Variants in PTBP3 observed in about 807,000 individuals in gnomAD.
PTBP3 encodes the protein polypyrimidine tract-binding protein 3.
In PTBP3, 20 loss-of-function variants were observed where a neutral mutation model predicts 58.7. That is an observed-to-expected ratio of 0.34 (90% CI 0.24 to 0.50). PTBP3 has a LOEUF of 0.50. Ranked by LOEUF, PTBP3 falls within the 20% of genes least tolerant of loss-of-function variation. The probability of loss-of-function intolerance (pLI) is 0.98; values close to 1 mark genes in which losing one functional copy is unlikely to be tolerated. For synonymous variants in PTBP3, 185 were observed against 219.8 expected, an observed-to-expected ratio of 0.84 and a Z score of 1.40; for missense variants, 509 against 637.2, an observed-to-expected ratio of 0.80 and a Z score of 2.17.
rs574580603 is a variant in PTBP3 at position 112,221,800 on chromosome 9, C to G, written c.*2051G>C. 2.9e-5 allele frequency: 29 copies of G among 985,104 alleles called. No homozygotes were observed. Among genetic ancestry groups the G allele is most frequent in the Non-Finnish European group, 3.3e-5 (27 of 829,736 alleles). 61.0% of individuals were successfully genotyped at this position (985,104 alleles called of 1,614,324 possible). ...GAGTGAATTCTGCTTTTTAAACAAT[C>G]TGTATCATCTCTTGCAGTCTCTATT... On this transcript the variant is annotated 3_prime_UTR_variant, in exon 14 of 14. Transcript: ENST00000374257.
chr9:112,296,661 A>C (rs1257454201), intron 2 of PTBP3, among the ~76,000 whole-genome samples: 1 of 152,190 alleles, frequency 6.6e-6, no homozygotes, highest in Non-Finnish European at 1.5e-5. Flanking sequence ...TGATGTTGAG[A>C]CCAGGGACCC....
intron 1 of PTBP3, chr9:112,298,612 A>C (rs754872928): frequency 2.0e-6 from 1 of 498,044 alleles, no homozygotes. Flanking sequence ...CCTATTTTAA[A>C]TAGTACTATT....
the PTBP3 span, among the ~76,000 whole-genome samples, chr9:112,366,138 C>T: frequency 6.6e-6 from 1 of 151,988 alleles, no homozygotes; most frequent in African/African-American, 2.4e-5. Flanking sequence ...CAAAAATTAG[C>T]TGGGTGTGGG....
intron 9 of PTBP3, 122 bp downstream of exon 9, chr9:112,231,977 A>AGGAGAGG (rs1564391468): frequency 1.1e-5 from 4 of 362,524 alleles, no homozygotes; most frequent in Non-Finnish European, 1.8e-5. Context: ...GAGAGAAGAG[A>AGGAGAGG]AGAGAAGAGA....
chr9:112,333,737 C>T (rs957655457), upstream of PTBP3: 262 of 344,256 alleles, frequency 7.6e-4, no homozygotes, highest in Non-Finnish European at 9.2e-4. Flanking sequence ...CGCCCTCCCT[C>T]GGGGCCCGCC....
At chr9:112,261,959 T>C (rs1260419199) in intron 5 of PTBP3, among the ~76,000 whole-genome samples, 47 of 152,222 alleles carry the variant, frequency 3.1e-4, no homozygotes, top group Non-Finnish European at 4.4e-5. Context: ...AACTTAGATA[T>C]AGCAATGGGT....
At chr9:112,358,039 G>A in the PTBP3 span, among the ~76,000 whole-genome samples, 1 of 152,122 alleles carries the variant, frequency 6.6e-6, no homozygotes, top group African/African-American at 2.4e-5. Flanking sequence ...CAGGCGCGGT[G>A]GCTCATGCCT....
chr9:112,233,912 C>A (rs1312883127), intron 8 of PTBP3, among the ~76,000 whole-genome samples: 7 of 145,618 alleles, frequency 4.8e-5, no homozygotes, highest in African/African-American at 1.8e-4. Flanking sequence ...GCCTGGGCAA[C>A]AGAGTGAGCT....
the PTBP3 span, among the ~76,000 whole-genome samples, chr9:112,348,809 G>T: frequency 6.6e-6 from 1 of 151,994 alleles, no homozygotes; most frequent in Non-Finnish European, 1.5e-5. Context: ...CTGCAGATCC[G>T]CTAACAATAC....
chr9:112,353,472 G>A, the PTBP3 span, among the ~76,000 whole-genome samples: 6 of 135,666 alleles, frequency 4.4e-5, no homozygotes, highest in East Asian at 7.1e-4. Context: ...TCTCAAACTC[G>A]TGACCTCAGG....
At chr9:112,369,940 G>C in the PTBP3 span, among the ~76,000 whole-genome samples, 1 of 152,114 alleles carries the variant, frequency 6.6e-6, no homozygotes, top group Admixed American at 6.5e-5. Context: ...CATGAGATCT[G>C]ATGATTTTAT....
chr9:112,316,041 T>C (rs552810865), intron 1 of PTBP3, among the ~76,000 whole-genome samples: 45 of 152,344 alleles, frequency 3.0e-4, no homozygotes, highest in Middle Eastern at 3.4e-3. Flanking sequence ...GTGTTGCCAA[T>C]ACATTGTTAA....
chr9:112,320,912 C>G (rs1315147994), intron 1 of PTBP3, among the ~76,000 whole-genome samples: 4 of 152,116 alleles, frequency 2.6e-5, no homozygotes, highest in African/African-American at 4.8e-5. Context: ...CTACAGGCTT[C>G]TTAAAGCAAA....
At chr9:112,273,060 C>T (rs1470124780) in intron 3 of PTBP3, among the ~76,000 whole-genome samples, 1 of 152,136 alleles carries the variant, frequency 6.6e-6, no homozygotes, top group Non-Finnish European at 1.5e-5. Context: ...TGATGTATAA[C>T]TGTACCAACC....
chr9:112,262,393 A>G (rs369601169), intron 5 of PTBP3, 42 bp downstream of exon 5: 2 of 1,468,604 alleles, frequency 1.4e-6, no homozygotes, highest in African/African-American at 2.9e-5. Flanking sequence ...TTCAGAGGCC[A>G]TATTTAACTT....
chr9:112,349,243 A>C, the PTBP3 span, among the ~76,000 whole-genome samples: 4 of 152,080 alleles, frequency 2.6e-5, no homozygotes, highest in African/African-American at 9.7e-5. Flanking sequence ...AGACATATGG[A>C]GGCGCTGGGA....
At chr9:112,266,181 G>A (rs1053360581) in intron 4 of PTBP3, among the ~76,000 whole-genome samples, 5 of 152,142 alleles carry the variant, frequency 3.3e-5, no homozygotes, top group Non-Finnish European at 7.3e-5. Flanking sequence ...TAGAGACTAA[G>A]TGTGGTGGTG....
intron 7 of PTBP3, among the ~76,000 whole-genome samples, chr9:112,244,118 G>A (rs968525549): frequency 4.0e-5 from 6 of 151,178 alleles, no homozygotes; most frequent in African/African-American, 1.2e-4. Context: ...TAGCTAAGAC[G>A]ATGAAACCCC....
At chr9:112,282,286 A>G (rs1827905386) in intron 2 of PTBP3, among the ~76,000 whole-genome samples, 1 of 152,142 alleles carries the variant, frequency 6.6e-6, no homozygotes, top group Non-Finnish European at 1.5e-5. Flanking sequence ...GAGTCTACTT[A>G]GAGGTATTAT....
Sources: gnomAD v4.1 joint callset for allele counts (sites outside exome capture counted in the v4.1 genomes callset) on GRCh38, gnomAD v4.1.1 for gene constraint, MANE v1.5 for transcripts, NCBI Gene and HGNC (gene_info 2026-07-23, HGNC 2026-07-21) for gene names.